Variants in TANC1 observed in about 807,000 individuals in gnomAD.
TANC1 encodes tetratricopeptide repeat, ankyrin repeat and coiled-coil containing 1.
TANC1 carries 77 observed loss-of-function variants against 149.7 expected under a neutral mutation model. That is an observed-to-expected ratio of 0.51 (90% CI 0.43 to 0.62). The LOEUF is 0.62. Among genes scored for constraint, TANC1 ranks in the 20% least tolerant of loss-of-function variants. TANC1 has a pLI of 0.00. For synonymous variants in TANC1, 854 were observed against 925.0 expected (o/e 0.92, Z 1.39); for missense variants, 1,985 against 2,321.8 (o/e 0.85, Z 2.98).
chr2:159,102,136 G>A (rs1179133183), intron 4 of TANC1, among the ~76,000 whole-genome samples: 3 of 152,132 alleles, frequency 2.0e-5, no homozygotes, highest in Non-Finnish European at 4.4e-5. Flanking sequence ...CAACCCGCAA[G>A]TATTTCTTGT....
intron 14 of TANC1, among the ~76,000 whole-genome samples, chr2:159,183,881 T>G (rs185232613): frequency 2.6e-3 from 398 of 152,298 alleles, no homozygotes; most frequent in Non-Finnish European, 4.7e-3. Context: ...GTTAACTGAC[T>G]TGCATATCGT....
In TANC1 at chr2:159,172,268, C is replaced by G. The variant is rs1351193403; in HGVS notation, c.1499C>G (p.Ser500Cys). 2 of 1,613,550 alleles carry G rather than the reference C, an allele frequency of 1.2e-6. No individual in the cohort carries two copies. The highest frequency in any genetic ancestry group is 2.2e-5 in the South Asian group (2 of 90,944). ...PREDAVKYLA[S>C]KVVAYHYCQA... ...GAGGATGCAGTGAAATATCTTGCTT[C>G]TAAGGTAATCTTTCTTGTTTTATTG... Residue 500 changes from serine to cysteine, a missense_variant, in exon 11 of 27, where the codon TCT becomes TGT. Ser to Cys is a moderately radical substitution (Grantham distance 112). This residue lies in a region of TANC1 where 557 missense variants were observed against 612.9 expected (regional missense o/e 0.91). Transcript: ENST00000263635.
chr2:158,984,064 T>G (rs960124857), intron 1 of TANC1, among the ~76,000 whole-genome samples: 2 of 152,222 alleles, frequency 1.3e-5, no homozygotes, highest in Non-Finnish European at 2.9e-5. Context: ...GGACTGACAC[T>G]GCTCCTTCCC....
intron 1 of TANC1, among the ~76,000 whole-genome samples, chr2:158,971,468 AGT>A (rs1373248267): frequency 2.0e-5 from 3 of 152,182 alleles, no homozygotes; most frequent in Non-Finnish European, 4.4e-5. Context: ...AATAAAGAAG[AGT>A]GTTTATATAT....
chr2:159,149,574 T>C (rs547952118), intron 6 of TANC1: 20 of 361,244 alleles, frequency 5.5e-5, no homozygotes, highest in African/African-American at 4.0e-4. Context: ...TACCAGTACT[T>C]TTACCTTTAT....
Position 159,150,430 on chromosome 2 carries a change from C to T in TANC1, c.556C>T (p.Pro186Ser). The T allele has an allele frequency of 6.2e-7, 1 of 1,614,174 alleles. No homozygotes were observed. ...CACACTAACAAGCAGCACCGCATCT[C>T]CTAGCACCGATAGCCCCTGCTCAAC... ...CSTLTSSTAS[P>S]STDSPCSTLN... Residue 186 changes from proline to serine, a missense_variant, in exon 7 of 27, where the codon CCT (proline) becomes TCT (serine). This residue lies in a region of TANC1 where 557 missense variants were observed against 612.9 expected (regional missense o/e 0.91). Transcript: ENST00000263635.
At chr2:159,166,233 CTG>C (rs2054585109) in intron 8 of TANC1, among the ~76,000 whole-genome samples, 1 of 152,140 alleles carries the variant, frequency 6.6e-6, no homozygotes, top group Admixed American at 6.5e-5. Flanking sequence ...TTATAGAACA[CTG>C]TGTTTAATTT....
chr2:159,207,542 A>T, intron 19 of TANC1, among the ~76,000 whole-genome samples: 1 of 152,092 alleles, frequency 6.6e-6, no homozygotes, highest in East Asian at 1.9e-4. Flanking sequence ...TCTACTAAAA[A>T]TACAAAAACT....
intron 1 of TANC1, among the ~76,000 whole-genome samples, chr2:158,987,068 G>C (rs2035082587): frequency 6.6e-6 from 1 of 151,614 alleles, no homozygotes; most frequent in Non-Finnish European, 1.5e-5. Flanking sequence ...ACAAAAATTG[G>C]TCAGGCGTCA....
intron 7 of TANC1, among the ~76,000 whole-genome samples, chr2:159,161,037 A>T (rs2053998042): frequency 1.3e-5 from 2 of 151,592 alleles, no homozygotes; most frequent in South Asian, 4.2e-4. Context: ...AGTGAGAGCC[A>T]CACCTTCCAC....
At chr2:159,077,457 A>C (rs1047568553) in intron 3 of TANC1, among the ~76,000 whole-genome samples, 3 of 152,196 alleles carry the variant, frequency 2.0e-5, no homozygotes, top group Admixed American at 1.3e-4. Context: ...CCCAAAGGCA[A>C]TTAATGTTAA....
At chr2:158,991,713 T>C (rs573468903) in intron 1 of TANC1, among the ~76,000 whole-genome samples, 5 of 152,012 alleles carry the variant, frequency 3.3e-5, no homozygotes, top group African/African-American at 1.2e-4. Flanking sequence ...ACCACTGCAC[T>C]CCAGCCTGGG....
chr2:159,194,846 T>A (rs2057734117), intron 17 of TANC1, among the ~76,000 whole-genome samples: 1 of 152,184 alleles, frequency 6.6e-6, no homozygotes, highest in Non-Finnish European at 1.5e-5. Context: ...CCTCTCTTCT[T>A]CTTATCCCAT....
At chr2:159,127,769 C>G (rs1037148508) in intron 4 of TANC1, among the ~76,000 whole-genome samples, 7 of 152,216 alleles carry the variant, frequency 4.6e-5, no homozygotes, top group African/African-American at 9.6e-5. Flanking sequence ...GGCTTAATAC[C>G]TAGGTGATGG....
intron 8 of TANC1, among the ~76,000 whole-genome samples, chr2:159,166,004 A>G (rs1305893208): frequency 6.6e-6 from 1 of 152,240 alleles, no homozygotes; most frequent in Non-Finnish European, 1.5e-5. Context: ...TAAGTTGGCT[A>G]GGTTTAAAGA....
chr2:159,047,555 G>A (rs1487674740), intron 2 of TANC1, among the ~76,000 whole-genome samples: 1 of 152,040 alleles, frequency 6.6e-6, no homozygotes, highest in Non-Finnish European at 1.5e-5. Flanking sequence ...ATATCTCATT[G>A]CCTCCTTTGG....
chr2:159,184,126 C>T (rs927193273), intron 14 of TANC1, among the ~76,000 whole-genome samples: 1 of 152,184 alleles, frequency 6.6e-6, no homozygotes, highest in African/African-American at 2.4e-5. Context: ...CCTGTTCAGG[C>T]CTCTGTTTCT....
intron 23 of TANC1, chr2:159,225,048 T>G (rs575281990): frequency 2.5e-5 from 4 of 159,844 alleles, no homozygotes; most frequent in Non-Finnish European, 4.1e-5. Flanking sequence ...GCCCTCTGCC[T>G]TAATCCCTAC....
intron 14 of TANC1, among the ~76,000 whole-genome samples, chr2:159,181,354 G>C (rs1321069325): frequency 6.6e-6 from 1 of 150,802 alleles, no homozygotes; most frequent in Non-Finnish European, 1.5e-5. Flanking sequence ...AGAGTGCAGT[G>C]GTGTGATCTC....
Sources: allele counts gnomAD v4.1 joint callset (sites outside exome capture counted in the v4.1 genomes callset), GRCh38; gene constraint gnomAD v4.1.1; regional missense constraint gnomAD v4.1.1; transcripts MANE v1.5; gene names NCBI Gene and HGNC (gene_info 2026-07-23, HGNC 2026-07-21).